CLIP1: variants seen among roughly 807,000 people sequenced by gnomAD.
The protein encoded by CLIP1 is CAP-Gly domain containing linker protein 1.
In CLIP1, 66 loss-of-function variants were observed where a neutral mutation model predicts 161.6. The observed-to-expected ratio is 0.41, with a 90% CI of 0.33 to 0.50. The LOEUF (loss-of-function observed/expected upper bound fraction) is 0.50, where lower values mean the gene tolerates loss of function less well. Among genes scored for constraint, CLIP1 ranks in the 20% least tolerant of loss-of-function variants. CLIP1 has a pLI of 0.27. For missense variants in CLIP1, 1,376 were observed against 1,702.0 expected (o/e 0.81, Z 3.37); for synonymous variants, 598 against 626.2 (o/e 0.96, Z 0.67).
chr12:122,408,638 G>A lies in CLIP1; in HGVS notation c.-107+13883C>T, dbSNP rs375135081. 4.4e-4 allele frequency among the ~76,000 whole-genome samples: 67 copies of A among 151,342 alleles called. No individual in the cohort carries two copies. In the East Asian group the frequency reaches 6.7e-3, roughly 15 times the overall value. On this transcript the variant is annotated intron_variant, in intron 1 of 25. Transcript: ENST00000620786. The stretch of plus-strand genomic sequence containing the variant: ...GCTGGGATTACAGGTGTGAGCTACC[G>A]CGCCCAGCCTATTCTGTTTTTAAGA...
chr12:122,389,677 T>C (rs1053741855), intron 1 of CLIP1, among the ~76,000 whole-genome samples: 2 of 131,936 alleles, frequency 1.5e-5, no homozygotes, highest in African/African-American at 5.9e-5. Context: ...GAGAATTGCT[T>C]AAACCCAGAA....
chr12:122,412,512 G>A (rs1219734589), intron 1 of CLIP1, among the ~76,000 whole-genome samples: 3 of 151,898 alleles, frequency 2.0e-5, no homozygotes, highest in Non-Finnish European at 2.9e-5. Flanking sequence ...AAAATTAGAC[G>A]GGCAAGGTGG....
At chr12:122,305,735 G>A (rs1202978815) in intron 20 of CLIP1, among the ~76,000 whole-genome samples, 1 of 151,994 alleles carries the variant, frequency 6.6e-6, no homozygotes, top group African/African-American at 2.4e-5. Flanking sequence ...TCATCTAGGT[G>A]GGCACAACGT....
chr12:122,389,618 G>T lies in CLIP1; in HGVS notation c.-106-9060C>A, dbSNP rs926545840. On this transcript the variant is annotated intron_variant, in intron 1 of 25. Coordinates refer to ENST00000620786, the MANE Select transcript of CLIP1 (RefSeq NM_001247997.2). ...TACTAAACATACAAAAATTAGCCGGGCGTGGTGGTGCATGCCTGTAGGCCC... is the reference window on the plus strand; with the variant it reads ...TACTAAACATACAAAAATTAGCCGGTCGTGGTGGTGCATGCCTGTAGGCCC... 2.6e-5 allele frequency among the ~76,000 whole-genome samples: 4 copies of T among 151,924 alleles called. No individual in the cohort carries two copies. The East Asian group carries it at 7.7e-4, about 29-fold the overall frequency.
intron 5 of CLIP1, among the ~76,000 whole-genome samples, chr12:122,356,592 T>C (rs941229342): frequency 5.3e-5 from 8 of 152,042 alleles, no homozygotes; most frequent in Admixed American, 3.9e-4. Flanking sequence ...AAAGAATGAA[T>C]TGGGTCCCTC....
chr12:122,326,613 A>C (rs1951721706), intron 17 of CLIP1, among the ~76,000 whole-genome samples: 1 of 152,188 alleles, frequency 6.6e-6, no homozygotes, highest in African/African-American at 2.4e-5. Context: ...CGAGAGGTTG[A>C]GGCTGCAGTG....
chr12:122,301,954 T>C (rs1251524005), intron 20 of CLIP1, among the ~76,000 whole-genome samples: 2 of 152,224 alleles, frequency 1.3e-5, no homozygotes, highest in Non-Finnish European at 2.9e-5. Flanking sequence ...GAGACGATGC[T>C]CTTGGCCATA....
In CLIP1 at chr12:122,272,933, T is replaced by TCA. The variant is rs1566062698; in HGVS notation, c.4257_4258dup (p.Glu1420ValfsTer40). 1 of 1,614,218 alleles carries TCA rather than the reference T, an allele frequency of 6.2e-7. No homozygotes were observed. The highest frequency in any genetic ancestry group is 8.5e-7 in the Non-Finnish European group (1 of 1,180,044). On this transcript the variant is annotated frameshift_variant, in exon 26 of 26. Coordinates refer to ENST00000620786, the MANE Select transcript of CLIP1 (RefSeq NM_001247997.2). LOFTEE classifies it high-confidence loss of function. ...CCAGTGTCCAAACATCTCACAGATTTCACAGTATGGGCGTTCCTCACCCCG... is the reference window on the plus strand; with the variant it reads ...CCAGTGTCCAAACATCTCACAGATTTCACACAGTATGGGCGTTCCTCACCCCG...
chr12:122,398,714 A>T (rs80087852), intron 1 of CLIP1, among the ~76,000 whole-genome samples: 91 of 151,152 alleles, frequency 6.0e-4, no homozygotes, highest in African/African-American at 2.1e-3. Context: ...AAAAAAAAAA[A>T]TTTTTTTTAA....
intron 1 of CLIP1, among the ~76,000 whole-genome samples, chr12:122,402,796 G>A (rs2137094715): frequency 6.6e-6 from 1 of 152,234 alleles, no homozygotes; most frequent in South Asian, 2.1e-4. Context: ...CCAAGACTCT[G>A]TCTCAAAAAA....
intron 21 of CLIP1, among the ~76,000 whole-genome samples, chr12:122,282,681 A>G (rs915940157): frequency 1.1e-4 from 16 of 152,020 alleles, no homozygotes; most frequent in Admixed American, 9.2e-4. Context: ...GTATATATAT[A>G]TGTATATATA....
intron 9 of CLIP1, among the ~76,000 whole-genome samples, chr12:122,348,863 G>A (rs753457359): frequency 2.6e-5 from 4 of 152,222 alleles, no homozygotes; most frequent in African/African-American, 7.2e-5. Context: ...AGGGGGGAAT[G>A]TAAAAGTGAA....
intron 1 of CLIP1, among the ~76,000 whole-genome samples, chr12:122,411,649 T>C (rs572130225): frequency 6.6e-6 from 1 of 152,176 alleles, no homozygotes; most frequent in Non-Finnish European, 1.5e-5. Flanking sequence ...CCAGTCATAA[T>C]GTATGATTCC....
Position 122,306,551 on chromosome 12 carries a change from G to A in CLIP1, c.3594+3211C>T, listed in dbSNP as rs561482458. On this transcript the variant is annotated intron_variant, in intron 20 of 25. Coordinates refer to ENST00000620786, the MANE Select transcript of CLIP1 (RefSeq NM_001247997.2). ...CACACGATCCTGACCAAAATGCTGG[G>A]TTCTAAGGTCAGGGCACTGCAGAGC... Among the ~76,000 whole-genome samples, 6 of 152,268 alleles carry A rather than the reference G, an allele frequency of 3.9e-5. No individual in the cohort carries two copies. The East Asian group carries it at 1.2e-3, about 29-fold the overall frequency.
chr12:122,326,622 T>C (rs1313732007), intron 17 of CLIP1, among the ~76,000 whole-genome samples: 1 of 152,146 alleles, frequency 6.6e-6, no homozygotes, highest in Non-Finnish European at 1.5e-5. Context: ...GAGGCTGCAG[T>C]GAGCCATGAC....
chr12:122,317,980 G>A (rs1399393457), intron 18 of CLIP1, among the ~76,000 whole-genome samples: 1 of 152,150 alleles, frequency 6.6e-6, no homozygotes, highest in Non-Finnish European at 1.5e-5. Flanking sequence ...TTCTAATTTT[G>A]ATTAACAGCT....
At chr12:122,394,671 A>C (rs1241665026) in intron 1 of CLIP1, among the ~76,000 whole-genome samples, 1 of 151,418 alleles carries the variant, frequency 6.6e-6, no homozygotes, top group East Asian at 1.9e-4. Context: ...ACGGATCACG[A>C]GATCAGGAGA....
At chr12:122,307,928 G>A (rs1950930695) in intron 20 of CLIP1, among the ~76,000 whole-genome samples, 2 of 152,148 alleles carry the variant, frequency 1.3e-5, no homozygotes, top group African/African-American at 4.8e-5. Flanking sequence ...AACTACCAGT[G>A]GCTTAAGAAT....
intron 1 of CLIP1, among the ~76,000 whole-genome samples, chr12:122,410,657 C>A (rs1216787890): frequency 6.6e-6 from 1 of 151,982 alleles, no homozygotes; most frequent in Non-Finnish European, 1.5e-5. Flanking sequence ...CAGGGTTTTG[C>A]CATGTTGGCC....
Sources: allele counts gnomAD v4.1 joint callset (sites outside exome capture counted in the v4.1 genomes callset), GRCh38; gene constraint gnomAD v4.1.1; transcripts MANE v1.5; gene names NCBI Gene and HGNC (gene_info 2026-07-23, HGNC 2026-07-21).